The following ARHGAP20 variants were observed in gnomAD, a reference collection of about 807,000 sequenced individuals.
ARHGAP20 encodes the protein rho GTPase-activating protein 20.
ARHGAP20 carries 34 observed loss-of-function variants against 73.7 expected under a neutral mutation model. That is an observed-to-expected ratio of 0.46 (90% CI 0.35 to 0.61). ARHGAP20 has a LOEUF of 0.61. ARHGAP20 is among the 20% of genes least tolerant of loss of function. The pLI is 0.00. For missense variants in ARHGAP20, 1,314 were observed against 1,420.9 expected, an observed-to-expected ratio of 0.92 and a Z score of 1.21; for synonymous variants, 523 against 518.2, an observed-to-expected ratio of 1.01 and a Z score of -0.13.
chr11:110,695,529 T>C (rs73563832), intron 1 of ARHGAP20, among the ~76,000 whole-genome samples: 19,409 of 151,618 alleles, frequency 0.13, 2,024 homozygotes, highest in African/African-American at 0.29. Context: ...AGGATATGAA[T>C]ACAGTCTTCC....
In ARHGAP20 at chr11:110,624,241, C is replaced by T. The variant is rs763008287; in HGVS notation, c.424G>A (p.Glu142Lys). The stretch of plus-strand genomic sequence containing the variant: ...GCATTGGTGTTGCCTTCTCCCACTT[C>T]ATCCACACAGCTTGCTGTCCACATA... Reference protein sequence around the residue: ...TDMWTASCVDEVGEGNTNAMK... With the variant: ...TDMWTASCVDKVGEGNTNAMK... The change falls in exon 4 of 15, where the codon GAA (glutamate) becomes AAA (lysine). Residue 142 changes from glutamate (E) to lysine (K), a missense_variant. Around this residue, in one of 3 missense-constraint regions of ARHGAP20, gnomAD observed 443 missense variants for 466.4 expected, o/e 0.95. Transcript: ENST00000683387. 1 of 1,613,178 alleles carries T rather than the reference C, an allele frequency of 6.2e-7. No individual in the cohort carries two copies. Among genetic ancestry groups the T allele is most frequent in the South Asian group, 1.1e-5 (1 of 90,786 alleles).
At chr11:110,609,114 C>CT (rs1948305178) in intron 7 of ARHGAP20, 64 bp from the exon 8 acceptor site, 3 of 1,416,632 alleles carry the variant, frequency 2.1e-6, no homozygotes, top group Admixed American at 1.8e-5. Context: ...AATGAGGACA[C>CT]ATTTTTTTTT....
chr11:110,699,002 A>G (rs1216114071), intron 1 of ARHGAP20, among the ~76,000 whole-genome samples: 1 of 151,712 alleles, frequency 6.6e-6, no homozygotes, highest in Non-Finnish European at 1.5e-5. Context: ...GAGGTGTGAC[A>G]TCAGGTTGTA....
chr11:110,702,077 G>T (rs933298525), intron 1 of ARHGAP20, among the ~76,000 whole-genome samples: 3 of 151,788 alleles, frequency 2.0e-5, no homozygotes, highest in Non-Finnish European at 2.9e-5. Context: ...CTCTTTTTTG[G>T]TTCCATATGA....
At chr11:110,634,765 T>C (rs962378213) in intron 2 of ARHGAP20, among the ~76,000 whole-genome samples, 1 of 152,130 alleles carries the variant, frequency 6.6e-6, no homozygotes, top group Admixed American at 6.6e-5. Flanking sequence ...TTAAGATTAC[T>C]GATGAGAGGG....
chr11:110,634,339 G>T (rs1800310552), intron 2 of ARHGAP20, among the ~76,000 whole-genome samples: 1 of 152,110 alleles, frequency 6.6e-6, no homozygotes, highest in Non-Finnish European at 1.5e-5. Flanking sequence ...GGGTACAGCT[G>T]GTGAGGAAGG....
intron 1 of ARHGAP20, chr11:110,711,819 C>G (rs1303436622): frequency 7.6e-7 from 1 of 1,323,474 alleles, no homozygotes; most frequent in Non-Finnish European, 9.6e-7. Context: ...GCCCGCGCGC[C>G]TAGACTGAGG....
intron 9 of ARHGAP20, among the ~76,000 whole-genome samples, chr11:110,593,535 T>A (rs763889001): frequency 6.6e-6 from 1 of 152,212 alleles, no homozygotes; most frequent in Non-Finnish European, 1.5e-5. Flanking sequence ...GGGAATGGCA[T>A]AGCACTGGGT....
At chr11:110,639,553 A>G (rs1053541637) in intron 2 of ARHGAP20, among the ~76,000 whole-genome samples, 2 of 152,008 alleles carry the variant, frequency 1.3e-5, no homozygotes, top group Admixed American at 6.6e-5. Context: ...AAGAAAAACC[A>G]TATAGGTTTT....
intron 2 of ARHGAP20, among the ~76,000 whole-genome samples, chr11:110,640,279 T>G (rs1381552177): frequency 2.6e-5 from 4 of 152,074 alleles, no homozygotes; most frequent in Non-Finnish European, 2.9e-5. Flanking sequence ...GGATGCATAG[T>G]ACCAATGATC....
At chr11:110,607,360 G>A (rs966025711) in intron 8 of ARHGAP20, among the ~76,000 whole-genome samples, 3 of 152,172 alleles carry the variant, frequency 2.0e-5, no homozygotes, top group Admixed American at 6.5e-5. Flanking sequence ...ATAATCAGAA[G>A]GAAGACTGCA....
intron 3 of ARHGAP20, among the ~76,000 whole-genome samples, chr11:110,626,121 C>T (rs1948738823): frequency 6.6e-6 from 1 of 152,122 alleles, no homozygotes; most frequent in Non-Finnish European, 1.5e-5. Flanking sequence ...ATAAAACAGA[C>T]CCAATTACAG....
intron 1 of ARHGAP20, among the ~76,000 whole-genome samples, chr11:110,702,535 G>C (rs954748473): frequency 6.6e-6 from 1 of 152,100 alleles, no homozygotes; most frequent in Non-Finnish European, 1.5e-5. Context: ...GTTCTGGCCA[G>C]GGCAATTAGG....
At position 110,579,139 on chromosome 11, in the gene ARHGAP20, C is replaced by A. The variant is rs3741338; in HGVS notation, c.*231G>T. 651,095 of 1,183,044 alleles carry A rather than the reference C, an allele frequency of 0.55. 185,675 individuals are homozygous for A. Among genetic ancestry groups the A allele is most frequent in the Middle Eastern group, 0.62 (1,766 of 2,828 alleles). 73.3% of individuals were successfully genotyped at this position (1,183,044 alleles called of 1,614,324 possible). A position where few individuals can be genotyped will look rare whatever the true frequency, so the allele number is the denominator to read the frequency against. On this transcript the variant is annotated 3_prime_UTR_variant, in exon 15 of 15. Transcript: ENST00000683387. ...TCTAAAACCACATGACAGGACCAAT[C>A]CCAACCTTTAATAAGAAAAAGCCTC...
intron 1 of ARHGAP20, among the ~76,000 whole-genome samples, chr11:110,696,393 G>T (rs1296815144): frequency 1.3e-5 from 2 of 151,524 alleles, no homozygotes; most frequent in Non-Finnish European, 3.0e-5. Context: ...CCAGCAAACT[G>T]GTCCTTAGCC....
intron 7 of ARHGAP20, 96 bp downstream of exon 7, chr11:110,611,212 TA>T: frequency 1.4e-6 from 1 of 734,322 alleles, no homozygotes; most frequent in Non-Finnish European, 2.2e-6. Flanking sequence ...TTGGTATCTC[TA>T]ATAATCAGCT....
At chr11:110,604,024 C>T (rs1337724889) in intron 9 of ARHGAP20, among the ~76,000 whole-genome samples, 1 of 152,166 alleles carries the variant, frequency 6.6e-6, no homozygotes, top group African/African-American at 2.4e-5. Flanking sequence ...AAATTGTACT[C>T]AATTGTTGTT....
intron 2 of ARHGAP20, among the ~76,000 whole-genome samples, chr11:110,648,617 T>A (rs1591136941): frequency 1.3e-5 from 2 of 151,728 alleles, no homozygotes; most frequent in African/African-American, 4.8e-5. Flanking sequence ...CCCGAGTAAC[T>A]GGGATTACAG....
At chr11:110,622,994 T>C (rs547653224) in intron 4 of ARHGAP20, among the ~76,000 whole-genome samples, 1 of 151,748 alleles carries the variant, frequency 6.6e-6, no homozygotes, top group Non-Finnish European at 1.5e-5. Flanking sequence ...AGTCATACCC[T>C]CACTTAAAAT....
Sources: gnomAD v4.1 joint callset for allele counts (sites outside exome capture counted in the v4.1 genomes callset) on GRCh38, gnomAD v4.1.1 for gene constraint, gnomAD v4.1.1 regional missense constraint, MANE v1.5 for transcripts, NCBI Gene and HGNC (gene_info 2026-07-23, HGNC 2026-07-21) for gene names.